The following NXNL2 variants were observed in gnomAD, a reference collection of about 807,000 sequenced individuals.
NXNL2 encodes nucleoredoxin like 2.
NXNL2 carries 7 observed loss-of-function variants against 11.1 expected under a neutral mutation model. The ratio of observed to expected loss-of-function variants is 0.63; its 90% CI spans 0.36 to 1.18. NXNL2 has a LOEUF of 1.18. NXNL2 is among the 50% of genes most tolerant of loss of function. NXNL2 has a pLI of 0.02. For missense variants in NXNL2, 233 were observed against 217.7 expected (o/e 1.07, Z -0.44); for synonymous variants, 109 against 101.8 (o/e 1.07, Z -0.42).
chr9:88,554,866 G>A (rs1829989352), intron 1 of NXNL2, among the ~76,000 whole-genome samples: 2 of 152,188 alleles, frequency 1.3e-5, no homozygotes, highest in Non-Finnish European at 2.9e-5. Context: ...TAAGCCTGGA[G>A]ACTGAGTCAC....
In NXNL2 at chr9:88,544,434, C is replaced by G. The variant is rs1008343850; in HGVS notation, c.358C>G (p.Gln120Glu). The change falls in exon 2 of 2, where the codon CAA becomes GAA. Residue 120 changes from glutamine to glutamate, a missense_variant. Transcript: ENST00000375854. Reference protein sequence around the residue: ...TAIPKLVIVKQNGEVITNKGR... With the variant: ...TAIPKLVIVKENGEVITNKGR... ...CATCCCCAAGCTTGTGATTGTGAAA[C>G]AAAATGGGGAGGTCATCACCAACAA... 4 of 1,551,856 alleles carry G rather than the reference C, an allele frequency of 2.6e-6. No homozygotes were observed. Among genetic ancestry groups the G allele is most frequent in the Non-Finnish European group, 3.5e-6 (4 of 1,147,018 alleles).
chr9:88,567,017 T>TATCTATCTATCTATCA (rs1830185011), intron 1 of NXNL2, among the ~76,000 whole-genome samples: 2 of 151,136 alleles, frequency 1.3e-5, no homozygotes, highest in Non-Finnish European at 3.0e-5. Flanking sequence ...TCTATCTATC[T>TATCTATCTATCTATCA]ATCATCTAAT....
chr9:88,544,646 A>G lies in NXNL2; in HGVS notation c.*99A>G. Reference sequence around the variant, plus strand: ...TTGGGTTCCTTCCTCTGTTGGTGTGATTTCATTGTATTTCAGAGCAGAAGC... The same window carrying G: ...TTGGGTTCCTTCCTCTGTTGGTGTGGTTTCATTGTATTTCAGAGCAGAAGC... On this transcript the variant is annotated 3_prime_UTR_variant, in exon 2 of 2. Transcript: ENST00000375854. 4.9e-6 allele frequency: 7 copies of G among 1,435,394 alleles called. No homozygotes were observed. Among genetic ancestry groups the G allele is most frequent in the East Asian group, 2.6e-5 (1 of 38,520 alleles). 88.9% of individuals were successfully genotyped at this position (1,435,394 alleles called of 1,614,324 possible). A position where few individuals can be genotyped will look rare whatever the true frequency, so the allele number is the denominator to read the frequency against.
chr9:88,546,389 C>A (rs1829846443), downstream of NXNL2, among the ~76,000 whole-genome samples: 1 of 150,440 alleles, frequency 6.6e-6, no homozygotes, highest in African/African-American at 2.5e-5. Flanking sequence ...TCCTTTGAAC[C>A]ATTATTACTC....
At chr9:88,565,875 T>G (rs1830163231) in intron 1 of NXNL2, among the ~76,000 whole-genome samples, 1 of 152,246 alleles carries the variant, frequency 6.6e-6, no homozygotes, top group Non-Finnish European at 1.5e-5. Flanking sequence ...ATAGCCATTC[T>G]AACAAGTGTG....
At position 88,535,241 on chromosome 9, in the gene NXNL2, C is replaced by T. The variant is rs956347093; in HGVS notation, c.-194C>T. 1.7e-6 allele frequency: 1 copy of T among 571,992 alleles called. No individual in the cohort carries two copies. The highest frequency in any genetic ancestry group is 3.0e-6 in the Non-Finnish European group (1 of 329,894). 35.4% of individuals were successfully genotyped at this position (571,992 alleles called of 1,614,324 possible). A position where few individuals can be genotyped will look rare whatever the true frequency, so the allele number is the denominator to read the frequency against. ...CTCTGGTGTCTGAGTGTCTCATTGT[C>T]GGCGCGAACACAATTGCTCCAGCCA... On this transcript the variant is annotated 5_prime_UTR_variant, in exon 1 of 2. Coordinates refer to ENST00000375854, the MANE Select transcript of NXNL2 (RefSeq NM_001161625.2).
intron 1 of NXNL2, among the ~76,000 whole-genome samples, chr9:88,558,845 C>T (rs1005961787): frequency 2.0e-5 from 3 of 152,104 alleles, no homozygotes; most frequent in Non-Finnish European, 4.4e-5. Flanking sequence ...TTTCCTGTCT[C>T]TTAGCCTCCT....
At chr9:88,580,935 T>C (rs1389415872) in intron 1 of NXNL2, among the ~76,000 whole-genome samples, 1 of 152,214 alleles carries the variant, frequency 6.6e-6, no homozygotes, top group Non-Finnish European at 1.5e-5. Flanking sequence ...TTCCTCCTGA[T>C]TAAATGTAGC....
chr9:88,540,249 G>A (rs564429496), intron 1 of NXNL2, among the ~76,000 whole-genome samples: 1 of 151,852 alleles, frequency 6.6e-6, no homozygotes, highest in Admixed American at 6.6e-5. Context: ...GGAGAATGGC[G>A]TGAACCTGGG....
chr9:88,582,842 AT>A (rs1400659116), intron 1 of NXNL2, among the ~76,000 whole-genome samples: 1 of 151,982 alleles, frequency 6.6e-6, no homozygotes, highest in Non-Finnish European at 1.5e-5. Flanking sequence ...TAATTTTTGT[AT>A]TTTTAGTAGA....
At chr9:88,561,548 G>A (rs1192282483) in intron 1 of NXNL2, among the ~76,000 whole-genome samples, 1 of 151,882 alleles carries the variant, frequency 6.6e-6, no homozygotes, top group Non-Finnish European at 1.5e-5. Flanking sequence ...ACTAATACAT[G>A]GGACAATGAC....
chr9:88,574,629 C>G (rs1046243874), intron 2 of NXNL2, among the ~76,000 whole-genome samples: 1 of 152,136 alleles, frequency 6.6e-6, no homozygotes, highest in African/African-American at 2.4e-5. Context: ...TCTGTCTGTC[C>G]TTTGTCCACA....
intron 1 of NXNL2, among the ~76,000 whole-genome samples, chr9:88,550,928 C>T (rs1043265806): frequency 4.6e-5 from 7 of 152,122 alleles, no homozygotes; most frequent in Admixed American, 3.9e-4. Context: ...GCTCTCGTCA[C>T]CTTCTTGTTT....
At chr9:88,566,995 T>TCTATCTATCTACCTAC (rs1554706802) in intron 1 of NXNL2, among the ~76,000 whole-genome samples, 1 of 150,282 alleles carries the variant, frequency 6.7e-6, no homozygotes, top group Non-Finnish European at 1.5e-5. Context: ...TATCTATCTA[T>TCTATCTATCTACCTAC]CTATCTATCT....
intron 1 of NXNL2, among the ~76,000 whole-genome samples, chr9:88,540,935 A>ATTTTTTTTTTTTTTT (rs71507764): frequency 1.1e-5 from 1 of 91,074 alleles, no homozygotes; most frequent in African/African-American, 5.0e-5. Flanking sequence ...ATCTCAGTAG[A>ATTTTTTTTTTTTTTT]TTTTTTTTTT....
At chr9:88,571,077 T>A in intron 1 of NXNL2, 1 of 406,542 alleles carries the variant, frequency 2.5e-6, no homozygotes, top group Non-Finnish European at 4.8e-6. Context: ...TTTTCTTTTT[T>A]TTTTTTCAGA....
chr9:88,546,679 T>G (rs569799838), downstream of NXNL2, among the ~76,000 whole-genome samples: 7 of 152,132 alleles, frequency 4.6e-5, no homozygotes, highest in South Asian at 1.5e-3. Context: ...CCTCCCAGAG[T>G]GCTGTGATTA....
chr9:88,577,718 G>A (rs930640637), downstream of NXNL2, among the ~76,000 whole-genome samples: 16 of 152,058 alleles, frequency 1.1e-4, no homozygotes, highest in Admixed American at 1.0e-3. Context: ...ATTGAATCAG[G>A]GACTTACTTA....
chr9:88,578,926 C>T (rs1480754911), downstream of NXNL2, among the ~76,000 whole-genome samples: 2 of 152,174 alleles, frequency 1.3e-5, no homozygotes, highest in Non-Finnish European at 2.9e-5. Flanking sequence ...GAGAAGTAGG[C>T]GCTGGTGGGC....
Sources: allele counts gnomAD v4.1 joint callset (sites outside exome capture counted in the v4.1 genomes callset), GRCh38; gene constraint gnomAD v4.1.1; transcripts MANE v1.5; gene names NCBI Gene and HGNC (gene_info 2026-07-23, HGNC 2026-07-21).